Variants in CDH11 observed in about 807,000 individuals in gnomAD.
CDH11 encodes the protein cadherin 11.
In CDH11, 11 loss-of-function variants were observed where a neutral mutation model predicts 67.8. That is an observed-to-expected ratio of 0.16 (90% CI 0.10 to 0.27). CDH11 has a LOEUF of 0.27. Among genes scored for constraint, CDH11 ranks in the 10% least tolerant of loss-of-function variants. The pLI, the probability that CDH11 is intolerant of heterozygous loss-of-function variation, is 1.00. For synonymous variants in CDH11, 419 were observed against 400.0 expected (o/e 1.05, Z -0.57); for missense variants, 847 against 1,031.2 (o/e 0.82, Z 2.45).
At chr16:65,089,440 C>T (rs907554528) in intron 1 of CDH11, among the ~76,000 whole-genome samples, 1 of 152,056 alleles carries the variant, frequency 6.6e-6, no homozygotes, top group Non-Finnish European at 1.5e-5. Flanking sequence ...TAATTCAAAT[C>T]GCCCTTGTGA....
chr16:64,948,875 T>C, intron 12 of CDH11: 1 of 933,522 alleles, frequency 1.1e-6, no homozygotes. Context: ...AAGAGGCTTC[T>C]ACAATATTCC....
At chr16:65,048,628 T>G in intron 2 of CDH11, among the ~76,000 whole-genome samples, 1 of 152,114 alleles carries the variant, frequency 6.6e-6, no homozygotes, top group Non-Finnish European at 1.5e-5. Flanking sequence ...TAAAAAAGAA[T>G]GTAGTGTGTG....
At chr16:65,000,614 T>A (rs1289281718) in intron 3 of CDH11, among the ~76,000 whole-genome samples, 1 of 151,958 alleles carries the variant, frequency 6.6e-6, no homozygotes, top group Non-Finnish European at 1.5e-5. Flanking sequence ...CTGGCCAACA[T>A]GCTGGCCAAG....
rs997389563 is a variant in CDH11, at chr16:65,044,524, A to G, written c.-173+9280T>C. The stretch of plus-strand genomic sequence containing the variant: ...CCCAGGACCCGTGGAAGTGATAGAC[A>G]CTGAGGAATCAAGGCACTCTCTATA... On this transcript the variant is annotated intron_variant, in intron 2 of 12. Coordinates refer to ENST00000268603, the MANE Select transcript of CDH11 (RefSeq NM_001797.4). Among the ~76,000 whole-genome samples the G allele has an allele frequency of 3.3e-5, 5 of 152,094 alleles. No homozygotes were observed. In the South Asian group the frequency reaches 6.2e-4, roughly 19 times the overall value.
intron 2 of CDH11, among the ~76,000 whole-genome samples, chr16:65,035,493 G>A (rs958010221): frequency 9.2e-5 from 14 of 152,126 alleles, no homozygotes; most frequent in African/African-American, 1.4e-4. Context: ...CTTAATGGGC[G>A]CTTGCTAACA....
chr16:64,987,957 C>T (rs894217747), intron 7 of CDH11, 200 bp downstream of exon 7: 1 of 446,106 alleles, frequency 2.2e-6, no homozygotes, highest in African/African-American at 2.0e-5. Context: ...TATCACCAGC[C>T]CCTTTGTCAG....
intron 3 of CDH11, among the ~76,000 whole-genome samples, chr16:64,999,346 G>A (rs1049688595): frequency 1.3e-5 from 2 of 151,960 alleles, no homozygotes; most frequent in African/African-American, 4.8e-5. Context: ...CATATGCAAG[G>A]AAATCTACAC....
chr16:65,048,516 G>A (rs1162190536), intron 2 of CDH11, among the ~76,000 whole-genome samples: 2 of 151,386 alleles, frequency 1.3e-5, no homozygotes, highest in African/African-American at 2.4e-5. Flanking sequence ...AAAATGACAG[G>A]ATAAAGAAAA....
chr16:65,118,619 T>C (rs1249252317), intron 1 of CDH11, among the ~76,000 whole-genome samples: 1 of 152,080 alleles, frequency 6.6e-6, no homozygotes, highest in South Asian at 2.1e-4. Flanking sequence ...AGGGAGAAAA[T>C]CATCCCAAAC....
chr16:65,050,931 C>A (rs1398328165), intron 2 of CDH11, among the ~76,000 whole-genome samples: 1 of 152,086 alleles, frequency 6.6e-6, no homozygotes, highest in Non-Finnish European at 1.5e-5. Flanking sequence ...ATGTCACTCG[C>A]ACATCTTATT....
chr16:65,080,117 T>A (rs1046712174), intron 1 of CDH11, among the ~76,000 whole-genome samples: 2 of 152,214 alleles, frequency 1.3e-5, no homozygotes, highest in Non-Finnish European at 2.9e-5. Context: ...CCTGACTTAA[T>A]ATAAACCCTG....
intron 2 of CDH11, among the ~76,000 whole-genome samples, chr16:65,024,849 G>A (rs1253606502): frequency 6.6e-6 from 1 of 152,170 alleles, no homozygotes; most frequent in African/African-American, 2.4e-5. Flanking sequence ...AAAACCAAGG[G>A]ATCAGGGAAC....
chr16:65,096,441 G>A (rs868702295), intron 1 of CDH11, among the ~76,000 whole-genome samples: 82 of 130,054 alleles, frequency 6.3e-4, no homozygotes, highest in South Asian at 2.4e-3. Flanking sequence ...GTGTGTGTGT[G>A]TGTATATATA....
intron 1 of CDH11, among the ~76,000 whole-genome samples, chr16:65,084,730 T>C (rs760373665): frequency 2.6e-5 from 4 of 152,172 alleles, no homozygotes; most frequent in Non-Finnish European, 4.4e-5. Context: ...ACATGTGTTT[T>C]TGTATAATAT....
At position 64,992,206 on chromosome 16, in the gene CDH11, A is replaced by G. The variant is rs1417364421; in HGVS notation, c.644-271T>C. ...TATTCTTCTCAGATATAAACACCCT[A>G]AAGACTGAAATACTTGAGTGGTCAT... On this transcript the variant is annotated intron_variant, in intron 5 of 12. Coordinates refer to ENST00000268603, the MANE Select transcript of CDH11 (RefSeq NM_001797.4). Among the ~76,000 whole-genome samples, 6 of 152,164 alleles carry G rather than the reference A, an allele frequency of 3.9e-5. No individual in the cohort carries two copies. The East Asian group carries it at 9.6e-4, about 24-fold the overall frequency.
chr16:65,002,348 T>C (rs556511520), intron 3 of CDH11, among the ~76,000 whole-genome samples: 147 of 152,196 alleles, frequency 9.7e-4, no homozygotes, highest in Non-Finnish European at 1.7e-3. Context: ...CTGCTTCCCA[T>C]TGAGAAAGTC....
At chr16:64,994,668 C>T (rs2072720607) in intron 4 of CDH11, among the ~76,000 whole-genome samples, 1 of 152,210 alleles carries the variant, frequency 6.6e-6, no homozygotes, top group Non-Finnish European at 1.5e-5. Flanking sequence ...GATGCCCACT[C>T]TCACCAGTCC....
intron 2 of CDH11, among the ~76,000 whole-genome samples, chr16:65,051,151 T>C (rs977166380): frequency 6.6e-6 from 1 of 152,202 alleles, no homozygotes; most frequent in African/African-American, 2.4e-5. Context: ...AGTGCGATTT[T>C]GCTTCTAGGA....
At chr16:65,065,876 C>G (rs937861723) in intron 1 of CDH11, among the ~76,000 whole-genome samples, 2 of 152,212 alleles carry the variant, frequency 1.3e-5, no homozygotes, top group Non-Finnish European at 2.9e-5. Flanking sequence ...AATAGCCAAG[C>G]CTGCTATGTT....
Sources: gnomAD v4.1 joint callset for allele counts (sites outside exome capture counted in the v4.1 genomes callset) on GRCh38, gnomAD v4.1.1 for gene constraint, MANE v1.5 for transcripts, NCBI Gene and HGNC (gene_info 2026-07-23, HGNC 2026-07-21) for gene names.